SLC36A2: variants seen among roughly 807,000 people sequenced by gnomAD.
The protein encoded by SLC36A2 is proton-coupled amino acid transporter 2.
Under a neutral mutation model 42.7 loss-of-function variants are expected in SLC36A2, and 39 were observed. The ratio of observed to expected loss-of-function variants is 0.91; its 90% CI spans 0.71 to 1.19. The LOEUF (loss-of-function observed/expected upper bound fraction) is 1.19. Ranked by LOEUF, SLC36A2 falls within the 50% of genes most tolerant of loss-of-function variation. The pLI, the probability that SLC36A2 is intolerant of heterozygous loss-of-function variation, is 0.00. For synonymous variants in SLC36A2, 237 were observed against 240.8 expected (o/e 0.98, Z 0.15); for missense variants, 590 against 613.7 (o/e 0.96, Z 0.41).
At chr5:151,339,592 A>G (rs972448018) in intron 4 of SLC36A2, among the ~76,000 whole-genome samples, 1 of 152,192 alleles carries the variant, frequency 6.6e-6, no homozygotes, top group Non-Finnish European at 1.5e-5. Flanking sequence ...TTACAGGCAT[A>G]AGCCACCATG....
At chr5:151,335,588 GTC>G (rs1443655769) in intron 5 of SLC36A2, 41 bp from the exon 6 acceptor site, 2 of 1,412,040 alleles carry the variant, frequency 1.4e-6, no homozygotes, top group Non-Finnish European at 2.0e-6. Context: ...GAGATGATGA[GTC>G]TTCTAACCTC....
chr5:151,316,865 C>T lies in SLC36A2; in HGVS notation c.1404G>A (p.Lys468=). ...TGGAAAAGGGGTGAGAGTCTTCTGA[C>T]TTGAGCAGCTCGTCCAGGGCCTGGT... ...GTYQALDELL[K]SEDSHPFSNS... Residue 468 remains lysine (K), a synonymous_variant, in exon 10 of 10, where the codon AAG becomes AAA. Transcript: ENST00000335244. The T allele has an allele frequency of 3.7e-6, 6 of 1,613,578 alleles. No homozygotes were observed. Among genetic ancestry groups the T allele is most frequent in the Non-Finnish European group, 5.1e-6 (6 of 1,179,816 alleles).
At chr5:151,328,648 T>C (rs1197814881) in intron 7 of SLC36A2, among the ~76,000 whole-genome samples, 2 of 152,154 alleles carry the variant, frequency 1.3e-5, no homozygotes, top group African/African-American at 2.4e-5. Flanking sequence ...AAATCTGAGA[T>C]AGAAATCCTT....
intron 7 of SLC36A2, among the ~76,000 whole-genome samples, chr5:151,326,772 A>C (rs1032104416): frequency 6.7e-6 from 1 of 149,370 alleles, no homozygotes; most frequent in African/African-American, 2.5e-5. Flanking sequence ...TATTTAGCTG[A>C]TCTGTTTTCT....
At chr5:151,318,877 C>T (rs888899362) in intron 9 of SLC36A2, among the ~76,000 whole-genome samples, 3 of 152,118 alleles carry the variant, frequency 2.0e-5, no homozygotes, top group Admixed American at 6.6e-5. Context: ...GTTTTACAGA[C>T]CTGGGCTTTT....
intron 6 of SLC36A2, 136 bp from the exon 7 acceptor site, chr5:151,333,458 G>A (rs771016051): frequency 9.6e-6 from 7 of 726,342 alleles, no homozygotes; most frequent in African/African-American, 5.3e-5. Flanking sequence ...TCAAAGGGAT[G>A]TAGGCCACGA....
At chr5:151,346,878 A>C (rs934565645) in intron 1 of SLC36A2, among the ~76,000 whole-genome samples, 4 of 152,196 alleles carry the variant, frequency 2.6e-5, no homozygotes, top group Admixed American at 6.5e-5. Flanking sequence ...GGAAATACTT[A>C]GTGGTCAGTG....
chr5:151,345,190 C>T (rs748059659), intron 1 of SLC36A2, among the ~76,000 whole-genome samples: 45 of 152,186 alleles, frequency 3.0e-4, no homozygotes, highest in Non-Finnish European at 6.0e-4. Context: ...TAAGTCAAGG[C>T]GAGCATGGGG....
chr5:151,340,160 A>AGG (rs1561660808), intron 4 of SLC36A2, among the ~76,000 whole-genome samples: 2 of 75,706 alleles, frequency 2.6e-5, no homozygotes, highest in African/African-American at 3.2e-4. Flanking sequence ...AAGGAGGAGG[A>AGG]AGAAGAGGAA....
intron 7 of SLC36A2, 59 bp downstream of exon 7, chr5:151,333,165 C>T: frequency 6.9e-7 from 1 of 1,454,216 alleles, no homozygotes; most frequent in Non-Finnish European, 9.7e-7. Flanking sequence ...GCTCACAGTT[C>T]CTTTCTAGAA....
intron 4 of SLC36A2, among the ~76,000 whole-genome samples, chr5:151,340,559 C>T (rs946582863): frequency 6.6e-6 from 1 of 152,040 alleles, no homozygotes. Context: ...AACAAAAAAG[C>T]TTACAACAAA....
At chr5:151,320,023 T>C (rs191967557) in intron 9 of SLC36A2, among the ~76,000 whole-genome samples, 276 of 152,340 alleles carry the variant, frequency 1.8e-3, no homozygotes, top group Middle Eastern at 0.01. Context: ...TGTCATGTTT[T>C]CCCATGCCTA....
intron 1 of SLC36A2, 138 bp downstream of exon 1, chr5:151,347,159 C>T (rs1756518400): frequency 5.9e-6 from 6 of 1,024,874 alleles, no homozygotes; most frequent in Non-Finnish European, 7.6e-6. Context: ...TTGACTCAGC[C>T]CATGACTGCA....
rs149534093 is a variant in SLC36A2 at position 151,316,934 on chromosome 5, G to A, written c.1335C>T (p.Ala445=). 117 of 1,614,016 alleles carry A rather than the reference G, an allele frequency of 7.2e-5. No individual in the cohort carries two copies. The African/African-American group carries it at 1.4e-3, about 19-fold the overall frequency. The change falls in exon 10 of 10, where the codon GCC becomes GCT. Residue 445 remains alanine, a synonymous_variant. Transcript: ENST00000335244. ...CCACGAAGCCCAGGATGCTGATCAG[G>A]GCGTCCTTGAAGATGGTGAGGGGGC... ...GMSPLTIFKD[A]LISILGFVGF...
At chr5:151,335,037 G>A (rs1756110283) in intron 6 of SLC36A2, among the ~76,000 whole-genome samples, 1 of 151,978 alleles carries the variant, frequency 6.6e-6, no homozygotes, top group Non-Finnish European at 1.5e-5. Flanking sequence ...ACCATTATAG[G>A]AATGGTCTAC....
chr5:151,334,555 G>C (rs1053629716), intron 6 of SLC36A2, among the ~76,000 whole-genome samples: 8 of 152,116 alleles, frequency 5.3e-5, no homozygotes, highest in African/African-American at 1.9e-4. Flanking sequence ...GCCGGGTGTG[G>C]TGGCTGGTGC....
At chr5:151,343,077 A>G (rs1756393069) in intron 3 of SLC36A2, 94 bp from the exon 4 acceptor site, 3 of 983,950 alleles carry the variant, frequency 3.0e-6, no homozygotes, top group Non-Finnish European at 4.8e-6. Flanking sequence ...GGCAGGACAC[A>G]GCTAAAGAGC....
intron 4 of SLC36A2, among the ~76,000 whole-genome samples, chr5:151,340,170 A>AGAC (rs1756288200): frequency 2.0e-5 from 1 of 49,854 alleles, no homozygotes; most frequent in South Asian, 1.2e-3. Context: ...AAGAAGAGGA[A>AGAC]GGAGGAGGAG....
rs1206927640 is a variant in SLC36A2 at position 151,316,838 on chromosome 5, G to T, written c.1431C>A (p.Asn477Lys). The T allele has an allele frequency of 1.2e-6, 2 of 1,614,072 alleles. No homozygotes were observed. The highest frequency in any genetic ancestry group is 4.5e-5 in the East Asian group (2 of 44,878). ...AGGCTCACCGAACAAAAGTGGTGGA[G>T]TTGGAAAAGGGGTGAGAGTCTTCTG... ...LKSEDSHPFSNSTTFVR is the reference protein window; with the variant it reads ...LKSEDSHPFSKSTTFVR The change falls in exon 10 of 10, where the codon AAC becomes AAA. Residue 477 changes from asparagine to lysine, a missense_variant. Transcript: ENST00000335244.
Sources: gnomAD v4.1 joint callset for allele counts (sites outside exome capture counted in the v4.1 genomes callset) on GRCh38, gnomAD v4.1.1 for gene constraint, MANE v1.5 for transcripts, NCBI Gene and HGNC (gene_info 2026-07-23, HGNC 2026-07-21) for gene names.